The following TSHZ1 variants were observed in gnomAD, a reference collection of about 807,000 sequenced individuals.
TSHZ1 encodes the protein teashirt homolog 1.
In TSHZ1, 12 loss-of-function variants were observed where a neutral mutation model predicts 67.1. The observed-to-expected ratio is 0.18, with a 90% confidence interval of 0.11 to 0.29. The LOEUF (loss-of-function observed/expected upper bound fraction) is 0.29, where lower values mean the gene tolerates loss of function less well. TSHZ1 is among the 10% of genes least tolerant of loss of function. The pLI, the probability that TSHZ1 is intolerant of heterozygous loss-of-function variation, is 1.00. For missense variants in TSHZ1, 1,305 were observed against 1,413.9 expected (o/e 0.92, Z 1.23); for synonymous variants, 632 against 622.4 (o/e 1.02, Z -0.23).
At chr18:75,247,863 CTTT>C (rs34014801) in intron 1 of TSHZ1, among the ~76,000 whole-genome samples, 4 of 143,010 alleles carry the variant, frequency 2.8e-5, no homozygotes, top group African/African-American at 5.1e-5. Context: ...TCAGACCTTA[CTTT>C]TTTTTTTTTT....
intron 1 of TSHZ1, among the ~76,000 whole-genome samples, chr18:75,278,901 G>A (rs544567423): frequency 7.9e-5 from 12 of 152,282 alleles, no homozygotes; most frequent in African/African-American, 2.6e-4. Context: ...GTCAGTCACA[G>A]GTTTAATATG....
rs149329273 is a variant in TSHZ1 at position 75,269,163 on chromosome 18, T to C, written c.41-16285T>C. Among the ~76,000 whole-genome samples the C allele has an allele frequency of 4.7e-3, 718 of 152,320 alleles. 6 individuals are homozygous for C. The highest frequency in any genetic ancestry group is 0.016 in the African/African-American group (683 of 41,548). ...CAGCAGGGTTCACCTTCCCAGGTGA[T>C]TGGGCCACATGGAAATTGACATCAC... On this transcript the variant is annotated intron_variant, in intron 1 of 1. Coordinates refer to ENST00000580243, the MANE Select transcript of TSHZ1 (RefSeq NM_001308210.2).
chr18:75,287,304 A>G lies in TSHZ1; in HGVS notation c.1897A>G (p.Lys633Glu). 6.2e-7 allele frequency: 1 copy of G among 1,614,124 alleles called. No homozygotes were observed. The highest frequency in any genetic ancestry group is 8.5e-7 in the Non-Finnish European group (1 of 1,180,022). ...AGGGAGCCTCACGCCCCCACCGCAC[A>G]AGAGCAACGTGTCTGCCATGGAGGA... ...SPGSLTPPPH[K>E]SNVSAMEELV... The change falls in exon 2 of 2, where the codon AAG becomes GAG. Residue 633 changes from lysine to glutamate, a missense_variant. By Grantham distance (56) the Lys-to-Glu change is moderately conservative (BLOSUM62 1). This residue lies in a region of TSHZ1 where 909 missense variants were observed against 961.8 expected (regional missense o/e 0.95). Transcript: ENST00000580243. The surrounding 1 kb of genome is among the most constrained non-coding windows in gnomAD (Gnocchi z 5.0).
Position 75,287,883 on chromosome 18 carries a change from G to A in TSHZ1, c.2476G>A (p.Asp826Asn), listed in dbSNP as rs143323516. Reference sequence around the variant, plus strand: ...CAAGCCGCTGGTGTCCAGCGTGGCTGATTCGGTGGCATCACCTCTGCGGGA... The same window carrying A: ...CAAGCCGCTGGTGTCCAGCGTGGCTAATTCGGTGGCATCACCTCTGCGGGA... ...KNKPLVSSVA[D>N]SVASPLRESA... Residue 826 changes from aspartate (D) to asparagine (N), a missense_variant, in exon 2 of 2, where the codon GAT becomes AAT. Coordinates refer to ENST00000580243, the MANE Select transcript of TSHZ1 (RefSeq NM_001308210.2). The surrounding 1 kb of genome is among the most constrained non-coding windows in gnomAD (Gnocchi z 5.0). 1 of 1,614,198 alleles carries A rather than the reference G, an allele frequency of 6.2e-7. No individual in the cohort carries two copies. Among genetic ancestry groups the A allele is most frequent in the Non-Finnish European group, 8.5e-7 (1 of 1,180,044 alleles).
At chr18:75,265,510 C>T (rs1191811481) in intron 1 of TSHZ1, among the ~76,000 whole-genome samples, 4 of 152,132 alleles carry the variant, frequency 2.6e-5, no homozygotes, top group South Asian at 2.1e-4. Context: ...AATTAAATGA[C>T]GTCGTAGGTC....
intron 1 of TSHZ1, among the ~76,000 whole-genome samples, chr18:75,255,240 A>T (rs945705008): frequency 1.3e-5 from 2 of 152,028 alleles, no homozygotes; most frequent in African/African-American, 4.8e-5. Context: ...GTTTCAGCAT[A>T]TGTGGGTCTG....
intron 1 of TSHZ1, among the ~76,000 whole-genome samples, chr18:75,222,655 T>G (rs374754008): frequency 6.6e-6 from 1 of 152,300 alleles, no homozygotes; most frequent in African/African-American, 2.4e-5. Context: ...TTCTAAATTA[T>G]GCAAAATGAG....
rs757347385 is a variant in TSHZ1 at position 75,286,703 on chromosome 18, C to T, written c.1296C>T (p.Thr432=). ...CCCACGACACGCTGCAGCAGCTCAC[C>T]GCCCACATGATGGTCACCGGGCACT... ...GSSHDTLQQL[T]AHMMVTGHFL... The change falls in exon 2 of 2, where the codon ACC becomes ACT. Residue 432 remains threonine (T), a synonymous_variant. Transcript: ENST00000580243. The surrounding 1 kb of genome is among the most constrained non-coding windows in gnomAD (Gnocchi z 5.1). 1.2e-5 allele frequency: 19 copies of T among 1,614,048 alleles called. No homozygotes were observed. The highest frequency in any genetic ancestry group is 1.7e-5 in the Admixed American group (1 of 60,030).
chr18:75,273,851 C>T (rs1407016257), intron 1 of TSHZ1, among the ~76,000 whole-genome samples: 2 of 152,120 alleles, frequency 1.3e-5, no homozygotes, highest in East Asian at 1.9e-4. Flanking sequence ...TCCAGTTGTC[C>T]CATTTCCATT....
intron 1 of TSHZ1, among the ~76,000 whole-genome samples, chr18:75,277,162 T>C (rs960337487): frequency 6.6e-6 from 1 of 151,708 alleles, no homozygotes; most frequent in Non-Finnish European, 1.5e-5. Context: ...GAATTTCACA[T>C]CTGACTGTCG....
chr18:75,252,021 T>C (rs186707144), intron 1 of TSHZ1, among the ~76,000 whole-genome samples: 2 of 152,362 alleles, frequency 1.3e-5, no homozygotes, highest in Admixed American at 1.3e-4. Context: ...AAATTGATAT[T>C]TGGGTATATA....
chr18:75,278,843 C>T (rs548958350), intron 1 of TSHZ1, among the ~76,000 whole-genome samples: 11 of 152,164 alleles, frequency 7.2e-5, no homozygotes, highest in African/African-American at 2.4e-4. Context: ...AGCCAGGCCT[C>T]GAAGGGTCTT....
rs1321941164 is a variant in TSHZ1 at position 75,287,530 on chromosome 18, T to G, written c.2123T>G (p.Leu708Arg). 2.5e-6 allele frequency: 4 copies of G among 1,614,116 alleles called. No individual in the cohort carries two copies. Among genetic ancestry groups the G allele is most frequent in the Non-Finnish European group, 3.4e-6 (4 of 1,180,054 alleles). ...GGGAAGGCCAAAAAGGAGGGACCGC[T>G]GGACGTTCACACCCCAAATGGCACA... ...ETGKAKKEGP[L>R]DVHTPNGTEP... is the part of the protein sequence containing the mutation. Residue 708 changes from leucine (L) to arginine (R), a missense_variant, in exon 2 of 2, where the codon CTG becomes CGG. By Grantham distance (102) the Leu-to-Arg change is moderately radical. Around this residue, in one of 3 missense-constraint regions of TSHZ1, gnomAD observed 909 missense variants for 961.8 expected, o/e 0.95. Coordinates refer to ENST00000580243, the MANE Select transcript of TSHZ1 (RefSeq NM_001308210.2). This position sits in a 1 kb window ranked among gnomAD's most constrained non-coding sequence, Gnocchi z 5.0.
intron 1 of TSHZ1, among the ~76,000 whole-genome samples, chr18:75,217,521 A>T (rs1353096746): frequency 2.0e-5 from 3 of 152,216 alleles, no homozygotes; most frequent in African/African-American, 7.2e-5. Context: ...CTTTGGAGGC[A>T]TTAGAACAAA....
chr18:75,214,352 G>A (rs1241979243), intron 1 of TSHZ1, among the ~76,000 whole-genome samples: 5 of 152,164 alleles, frequency 3.3e-5, no homozygotes, highest in African/African-American at 7.2e-5. Context: ...ATAAGGAGCC[G>A]TCGATGTTTA....
In TSHZ1 at chr18:75,286,315, C is replaced by T; in HGVS notation, c.908C>T (p.Ala303Val). Residue 303 changes from alanine (A) to valine (V), a missense_variant, in exon 2 of 2, where the codon GCC (alanine) becomes GTC (valine). This residue lies in a region of TSHZ1 where 38 missense variants were observed against 76.5 expected (regional missense o/e 0.50). Coordinates refer to ENST00000580243, the MANE Select transcript of TSHZ1 (RefSeq NM_001308210.2). This position sits in a 1 kb window ranked among gnomAD's most constrained non-coding sequence, Gnocchi z 5.1. ...ATGGAGATGGAGGGGAAGGAGGATG[C>T]CCAGAAGGTGCTGAAGTGCATGTAC... ...SLMEMEGKED[A>V]QKVLKCMYCG... 6.2e-7 allele frequency: 1 copy of T among 1,612,994 alleles called. No individual in the cohort carries two copies.
intron 1 of TSHZ1, among the ~76,000 whole-genome samples, chr18:75,232,779 G>T (rs8083060): frequency 0.24 from 35,762 of 152,090 alleles, 4,229 homozygotes; most frequent in East Asian, 0.33. Context: ...TTTTTGAAAA[G>T]AAATTTAGTG....
intron 1 of TSHZ1, among the ~76,000 whole-genome samples, chr18:75,225,953 G>A (rs1294130723): frequency 1.3e-5 from 2 of 152,094 alleles, no homozygotes. Flanking sequence ...TTGGTAAAAT[G>A]TGAAGCTGAA....
At chr18:75,261,119 G>A (rs180741799) in intron 1 of TSHZ1, among the ~76,000 whole-genome samples, 12 of 151,890 alleles carry the variant, frequency 7.9e-5, no homozygotes, top group African/African-American at 2.4e-4. Flanking sequence ...CGATGTACCC[G>A]GAGGAGCAGG....
Sources: allele counts gnomAD v4.1 joint callset (sites outside exome capture counted in the v4.1 genomes callset), GRCh38; gene constraint gnomAD v4.1.1; regional missense constraint gnomAD v4.1.1; non-coding constraint Gnocchi (gnomAD v3.1); transcripts MANE v1.5; gene names NCBI Gene and HGNC (gene_info 2026-07-23, HGNC 2026-07-21).